GNG7: variants seen among roughly 807,000 people sequenced by gnomAD.
GNG7 encodes the protein G protein subunit gamma 7.
GNG7 carries 1 observed loss-of-function variant against 4.0 expected under a neutral mutation model. The ratio of observed to expected loss-of-function variants is 0.25; its 90% CI spans 0.09 to 1.18. The LOEUF (loss-of-function observed/expected upper bound fraction) is 1.18. GNG7 is among the 50% of genes most tolerant of loss of function. The pLI, the probability that GNG7 is intolerant of heterozygous loss-of-function variation, is 0.50. For missense variants in GNG7, 86 were observed against 91.9 expected, an observed-to-expected ratio of 0.94 and a Z score of 0.26; for synonymous variants, 34 against 36.9, an observed-to-expected ratio of 0.92 and a Z score of 0.29.
Position 2,586,984 on chromosome 19 carries a change from CAAAAAAAAAA to C in GNG7, c.-77-31806_-77-31797del, listed in dbSNP as rs756891397. ...TGGGTGACAGAGCGGGACTCCATCT[CAAAAAAAAAA>C]AAAAAAAAAAAAAAAGAATGTCACC... On this transcript the variant is annotated intron_variant, in intron 2 of 4. Transcript: ENST00000382159. Among the ~76,000 whole-genome samples the C allele has an allele frequency of 2.1e-4, 10 of 48,736 alleles. No individual in the cohort carries two copies. In the East Asian group the frequency reaches 2.2e-3, roughly 11 times the overall value. 32.0% of individuals were successfully genotyped at this position (48,736 alleles called of 152,430 possible).
chr19:2,536,426 AAAAG>A (rs1188331397), intron 3 of GNG7, among the ~76,000 whole-genome samples: 7 of 151,668 alleles, frequency 4.6e-5, no homozygotes, highest in African/African-American at 1.7e-4. Context: ...CTCAAAAAAA[AAAAG>A]AAAAGAAAAG....
At chr19:2,682,614 C>T (rs1045244958) in intron 1 of GNG7, among the ~76,000 whole-genome samples, 2 of 145,568 alleles carry the variant, frequency 1.4e-5, no homozygotes, top group African/African-American at 5.2e-5. Context: ...AGAGATCACA[C>T]CACTGCACTC....
At chr19:2,556,390 G>A (rs1420100454) in intron 2 of GNG7, among the ~76,000 whole-genome samples, 1 of 152,200 alleles carries the variant, frequency 6.6e-6, no homozygotes, top group Non-Finnish European at 1.5e-5. Context: ...GGCTGGGCCG[G>A]GTTCACGTGG....
At chr19:2,592,565 T>C (rs2144802493) in intron 2 of GNG7, among the ~76,000 whole-genome samples, 1 of 151,646 alleles carries the variant, frequency 6.6e-6, no homozygotes, top group South Asian at 2.1e-4. Flanking sequence ...CAAGATCCTA[T>C]CTCTAGAAAA....
intron 2 of GNG7, among the ~76,000 whole-genome samples, chr19:2,621,814 C>T (rs1015480556): frequency 2.6e-5 from 4 of 152,104 alleles, no homozygotes; most frequent in Non-Finnish European, 4.4e-5. Flanking sequence ...TGCCAGAGCC[C>T]CCAGAAGCCA....
intron 2 of GNG7, among the ~76,000 whole-genome samples, chr19:2,579,230 T>C (rs915563617): frequency 1.3e-5 from 2 of 152,190 alleles, no homozygotes; most frequent in Non-Finnish European, 2.9e-5. Flanking sequence ...ACTCGGACCA[T>C]GTGGCTAAGT....
At chr19:2,685,977 G>C (rs948075433) in intron 1 of GNG7, among the ~76,000 whole-genome samples, 1 of 151,990 alleles carries the variant, frequency 6.6e-6, no homozygotes, top group African/African-American at 2.4e-5. Flanking sequence ...ACTTTCCAAG[G>C]ACACTCCAAC....
At chr19:2,671,752 T>G (rs1029478213) in intron 1 of GNG7, among the ~76,000 whole-genome samples, 8 of 152,054 alleles carry the variant, frequency 5.3e-5, no homozygotes, top group African/African-American at 1.7e-4. Context: ...TATTGTAAAA[T>G]CTCCTGATTT....
At chr19:2,602,881 CTCTTTCTTTTTCTCTTTT>C (rs1981245077) in intron 2 of GNG7, among the ~76,000 whole-genome samples, 2 of 140,850 alleles carry the variant, frequency 1.4e-5, no homozygotes, top group South Asian at 4.4e-4. Context: ...TTCTCTCTTT[CTCTTTCTTTTTCTCTTTT>C]TCTTTCTTTC....
intron 2 of GNG7, among the ~76,000 whole-genome samples, chr19:2,576,432 G>T (rs573359778): frequency 1.3e-5 from 2 of 152,212 alleles, no homozygotes; most frequent in Admixed American, 6.5e-5. Context: ...AGGACAGGGC[G>T]GGCCGCGGCA....
intron 1 of GNG7, among the ~76,000 whole-genome samples, chr19:2,647,811 TGAG>T (rs1982705109): frequency 1.3e-5 from 2 of 152,054 alleles, no homozygotes; most frequent in Non-Finnish European, 2.9e-5. Context: ...GAGGATCACC[TGAG>T]GTCACGAGTT....
In GNG7 at chr19:2,597,465, C is replaced by T. The variant is rs1339601909; in HGVS notation, c.-77-42277G>A. 4.0e-5 allele frequency among the ~76,000 whole-genome samples: 6 copies of T among 151,782 alleles called. No homozygotes were observed. The East Asian group carries it at 9.7e-4, about 24-fold the overall frequency. On this transcript the variant is annotated intron_variant, in intron 2 of 4. Coordinates refer to ENST00000382159, the MANE Select transcript of GNG7 (RefSeq NM_052847.3). ...TACAAAAATTAGCTGGGCGTGGTGG[C>T]GGGCACCTGTAATCTTAGCTACTCA... is the stretch of plus-strand genomic sequence containing the variant.
intron 3 of GNG7, among the ~76,000 whole-genome samples, chr19:2,531,192 C>T (rs964307671): frequency 4.7e-5 from 6 of 127,276 alleles, no homozygotes; most frequent in Admixed American, 8.2e-5. Context: ...GTAATCCCAG[C>T]TAGTCAGGAG....
intron 1 of GNG7, among the ~76,000 whole-genome samples, chr19:2,695,094 T>C (rs1163601036): frequency 6.6e-6 from 1 of 152,034 alleles, no homozygotes; most frequent in Admixed American, 6.6e-5. Context: ...GGAGGATTGC[T>C]TGAGCCCGGA....
At chr19:2,665,367 G>T (rs780977653) in intron 1 of GNG7, among the ~76,000 whole-genome samples, 2 of 151,946 alleles carry the variant, frequency 1.3e-5, no homozygotes, top group Admixed American at 1.3e-4. Context: ...CCCCTGGGGG[G>T]GGGGGGGCAG....
Position 2,680,990 on chromosome 19 carries a change from C to T in GNG7, c.-135+21656G>A, listed in dbSNP as rs556767825. The stretch of plus-strand genomic sequence containing the variant: ...TTTTAATTCTAGCCATCTTACTGGG[C>T]GTGAAGTGGTATCTCACCATGGCTC... On this transcript the variant is annotated intron_variant, in intron 1 of 4. Transcript: ENST00000382159. Among the ~76,000 whole-genome samples the T allele has an allele frequency of 4.6e-5, 7 of 151,834 alleles. No individual in the cohort carries two copies. In the East Asian group the frequency reaches 7.7e-4, roughly 17 times the overall value.
At chr19:2,598,473 C>A (rs1489488332) in intron 2 of GNG7, among the ~76,000 whole-genome samples, 2 of 150,464 alleles carry the variant, frequency 1.3e-5, no homozygotes, top group African/African-American at 4.9e-5. Flanking sequence ...CTGGCTAACA[C>A]GGTGAAACCC....
chr19:2,570,726 A>G (rs939744086), intron 2 of GNG7, among the ~76,000 whole-genome samples: 1 of 152,146 alleles, frequency 6.6e-6, no homozygotes, highest in Non-Finnish European at 1.5e-5. Flanking sequence ...GACAGTGGAG[A>G]GATGGTAAAG....
intron 2 of GNG7, among the ~76,000 whole-genome samples, chr19:2,566,511 C>T (rs896456710): frequency 6.6e-6 from 1 of 152,216 alleles, no homozygotes; most frequent in African/African-American, 2.4e-5. Context: ...CCCTAAAAGG[C>T]GTCTCAGCCT....
Sources: gnomAD v4.1 joint callset for allele counts (sites outside exome capture counted in the v4.1 genomes callset) on GRCh38, gnomAD v4.1.1 for gene constraint, MANE v1.5 for transcripts, NCBI Gene and HGNC (gene_info 2026-07-23, HGNC 2026-07-21) for gene names.